Variants in LPCAT1 observed in about 807,000 individuals in gnomAD.
LPCAT1 encodes lysophosphatidylcholine acyltransferase 1, also known as 1-acylglycerol-3-phosphate O-acyltransferase.
Under a neutral mutation model 60.9 loss-of-function variants are expected in LPCAT1, and 23 were observed. The observed-to-expected ratio is 0.38, with a 90% CI of 0.27 to 0.53. The LOEUF is 0.53. LPCAT1 is among the 20% of genes least tolerant of loss of function. The pLI, the probability that LPCAT1 is intolerant of heterozygous loss-of-function variation, is 0.82. For missense variants in LPCAT1, 622 were observed against 723.6 expected (o/e 0.86, Z 1.61); for synonymous variants, 340 against 301.1 (o/e 1.13, Z -1.34).
At position 1,502,235 on chromosome 5, in the gene LPCAT1, C is replaced by G. The variant is rs185791897; in HGVS notation, c.136-632G>C. Among the ~76,000 whole-genome samples the G allele has an allele frequency of 6.6e-6, 1 of 152,128 alleles. No homozygotes were observed. On this transcript the variant is annotated intron_variant, in intron 1 of 13. Transcript: ENST00000283415. The surrounding 1 kb of genome is among the most constrained non-coding windows in gnomAD (Gnocchi z 5.5). ...CACACAACCCCAGGCAGCTCCACCCCGCAGGACGCACCCCCAGGCAGCTCC... is the reference window on the plus strand; with the variant it reads ...CACACAACCCCAGGCAGCTCCACCCGGCAGGACGCACCCCCAGGCAGCTCC...
At chr5:1,519,270 T>C (rs923370182) in intron 1 of LPCAT1, among the ~76,000 whole-genome samples, 2 of 152,268 alleles carry the variant, frequency 1.3e-5, no homozygotes, top group African/African-American at 4.8e-5. Context: ...TGTGGATGTT[T>C]GTGTACACTC....
Position 1,462,061 on chromosome 5 carries a change from G to A in LPCAT1, c.*1590C>T, listed in dbSNP as rs900985987. On this transcript the variant is annotated 3_prime_UTR_variant, in exon 14 of 14. Transcript: ENST00000283415. ...ACAAGTCGAGGTGATTGATTGAAAC[G>A]GAGCTGAAGGTTGTTTTTAAATGTC... 5 of 152,410 alleles carry A rather than the reference G, an allele frequency of 3.3e-5. No homozygotes were observed. The highest frequency in any genetic ancestry group is 4.8e-5 in the African/African-American group (2 of 41,424). 9.4% of individuals were successfully genotyped at this position (152,410 alleles called of 1,614,324 possible).
chr5:1,499,064 C>A (rs1220626194), intron 2 of LPCAT1, among the ~76,000 whole-genome samples: 1 of 152,228 alleles, frequency 6.6e-6, no homozygotes, highest in Admixed American at 6.5e-5. Flanking sequence ...ACACTTCACA[C>A]GTGCATGAGA....
chr5:1,494,725 C>T lies in LPCAT1; in HGVS notation c.468G>A (p.Glu156=). The T allele has an allele frequency of 1.2e-6, 2 of 1,614,260 alleles. No homozygotes were observed. Among genetic ancestry groups the T allele is most frequent in the South Asian group, 1.1e-5 (1 of 91,088 alleles). ...MTMSSIVMKA[E]SRDIPIWGTL... is the part of the protein sequence containing the mutation. ...TTCCCCAGATCGGGATGTCTCTGCT[C>T]TCTGCCTTCATCACGATGGAGGACA... Residue 156 remains glutamate (E), a synonymous_variant, in exon 3 of 14, where the codon GAG becomes GAA. Coordinates refer to ENST00000283415, the MANE Select transcript of LPCAT1 (RefSeq NM_024830.5).
In LPCAT1 at chr5:1,521,239, A is replaced by C; in HGVS notation, c.135+2471T>G. The C allele has an allele frequency of 1.4e-6, 1 of 691,140 alleles. No individual in the cohort carries two copies. The highest frequency in any genetic ancestry group is 1.8e-6 in the Non-Finnish European group (1 of 561,684). The allele number at this position is 691,140 out of a possible 1,614,324, so 42.8% of individuals were successfully genotyped here. On this transcript the variant is annotated intron_variant, in intron 1 of 13. Transcript: ENST00000283415. The surrounding 1 kb of genome is among the most constrained non-coding windows in gnomAD (Gnocchi z 4.3). ...TCCTCACTAAATCTGTAGTTAAATG[A>C]CAGATGGGCTGGCTGGAGGAGGAGG...
At chr5:1,519,622 T>C (rs895981662) in intron 1 of LPCAT1, among the ~76,000 whole-genome samples, 1 of 152,242 alleles carries the variant, frequency 6.6e-6, no homozygotes, top group African/African-American at 2.4e-5. Context: ...CTGCCCTCCC[T>C]GCCTGGGAGA....
Position 1,523,141 on chromosome 5 carries a change from G to C in LPCAT1, c.135+569C>G, listed in dbSNP as rs985172706. The stretch of plus-strand genomic sequence containing the variant: ...GTGCGCCTACAGGGGACCCTACAGG[G>C]GACCCGCACCGCCCGCGCGCCCTGT... On this transcript the variant is annotated intron_variant, in intron 1 of 13. Transcript: ENST00000283415. This position sits in a 1 kb window ranked among gnomAD's most constrained non-coding sequence, Gnocchi z 7.1. 1.3e-5 allele frequency among the ~76,000 whole-genome samples: 2 copies of C among 152,136 alleles called. No homozygotes were observed. The highest frequency in any genetic ancestry group is 2.9e-5 in the Non-Finnish European group (2 of 67,982).
Position 1,502,084 on chromosome 5 carries a change from GCTAA to G in LPCAT1, c.136-485_136-482del, listed in dbSNP as rs1736037163. 6.6e-6 allele frequency among the ~76,000 whole-genome samples: 1 copy of G among 152,236 alleles called. No homozygotes were observed. ...ACCATGGCTGTGGACACTGGCCAGT[GCTAA>G]CTGACATGCTCCACACCCACTGCCC... On this transcript the variant is annotated intron_variant, in intron 1 of 13. Coordinates refer to ENST00000283415, the MANE Select transcript of LPCAT1 (RefSeq NM_024830.5). This position sits in a 1 kb window ranked among gnomAD's most constrained non-coding sequence, Gnocchi z 5.5.
At chr5:1,485,932 C>G (rs72717530) in intron 5 of LPCAT1, among the ~76,000 whole-genome samples, 2 of 152,210 alleles carry the variant, frequency 1.3e-5, no homozygotes, top group Non-Finnish European at 2.9e-5. Flanking sequence ...TCTGCATCCT[C>G]GGGCTGTCAG....
intron 1 of LPCAT1, among the ~76,000 whole-genome samples, chr5:1,514,823 C>T (rs1736457414): frequency 6.6e-6 from 1 of 152,160 alleles, no homozygotes; most frequent in African/African-American, 2.4e-5. Flanking sequence ...CCAGCCAAAA[C>T]AGGACCTTCA....
At chr5:1,488,074 G>A (rs1735438951) in intron 5 of LPCAT1, among the ~76,000 whole-genome samples, 1 of 152,150 alleles carries the variant, frequency 6.6e-6, no homozygotes, top group Non-Finnish European at 1.5e-5. Flanking sequence ...GGTACCCTGA[G>A]CCATTCAAAG....
At chr5:1,479,252 G>A (rs35194614) in intron 8 of LPCAT1, among the ~76,000 whole-genome samples, 6,170 of 152,322 alleles carry the variant, frequency 0.041, 175 homozygotes, top group Non-Finnish European at 0.059. Flanking sequence ...TAGGCATGGC[G>A]TGTGCCTGTG....
chr5:1,521,840 G>C lies in LPCAT1; in HGVS notation c.135+1870C>G, dbSNP rs1174858887. On this transcript the variant is annotated intron_variant, in intron 1 of 13. Transcript: ENST00000283415. This position sits in a 1 kb window ranked among gnomAD's most constrained non-coding sequence, Gnocchi z 4.3. ...GGAGCAGCTTGCACCCTGAGGTCTC[G>C]GGGAGGAAAGCAGGCCCCTCTGGGC... is the stretch of plus-strand genomic sequence containing the variant. 1.3e-5 allele frequency among the ~76,000 whole-genome samples: 2 copies of C among 152,222 alleles called. No homozygotes were observed. The highest frequency in any genetic ancestry group is 3.8e-4 in the East Asian group (2 of 5,198).
rs576170780 is a variant in LPCAT1, at chr5:1,483,283, C to A, written c.726+145G>T. On this transcript the variant is annotated intron_variant, in intron 6 of 13. Coordinates refer to ENST00000283415, the MANE Select transcript of LPCAT1 (RefSeq NM_024830.5). This position sits in a 1 kb window ranked among gnomAD's most constrained non-coding sequence, Gnocchi z 9.2. ...GTCCTGCCCTCTCCAGCGCTGAGGCCGGATGGACTCAGCATGGCCAAGTGT... is the reference window on the plus strand; with the variant it reads ...GTCCTGCCCTCTCCAGCGCTGAGGCAGGATGGACTCAGCATGGCCAAGTGT... 1.1e-6 allele frequency: 1 copy of A among 933,556 alleles called. No individual in the cohort carries two copies. Among genetic ancestry groups the A allele is most frequent in the Non-Finnish European group, 1.7e-6 (1 of 575,778 alleles). 57.8% of individuals were successfully genotyped at this position (933,556 alleles called of 1,614,324 possible). A position where few individuals can be genotyped will look rare whatever the true frequency, so the allele number is the denominator to read the frequency against.
In LPCAT1 at chr5:1,463,332, G is replaced by C. The variant is rs1283018465; in HGVS notation, c.*319C>G. 2 of 307,796 alleles carry C rather than the reference G, an allele frequency of 6.5e-6. No individual in the cohort carries two copies. Among genetic ancestry groups the C allele is most frequent in the Non-Finnish European group, 1.2e-5 (2 of 165,552 alleles). 19.1% of individuals were successfully genotyped at this position (307,796 alleles called of 1,614,324 possible). On this transcript the variant is annotated 3_prime_UTR_variant, in exon 14 of 14. Coordinates refer to ENST00000283415, the MANE Select transcript of LPCAT1 (RefSeq NM_024830.5). ...TGCCGCCGGAAGAGGCTGTGACAGA[G>C]ACTCGAAACCAGGGCCCCGTGGGAG...
chr5:1,474,041 C>A lies in LPCAT1; in HGVS notation c.1095G>T (p.Glu365Asp). Residue 365 changes from glutamate (E) to aspartate (D), a missense_variant, in exon 11 of 14, where the codon GAG becomes GAT. Glu to Asp is a conservative substitution (Grantham distance 45). This residue lies in a region of LPCAT1 where 288 missense variants were observed against 283.6 expected (regional missense o/e 1.02). Transcript: ENST00000283415. ...CGGCAAACTCCGCAATACCTATCTT[C>A]TCTCCTCCCTTCATCCTGGCTCTTT... is the stretch of plus-strand genomic sequence containing the variant. ...YSERARMKGG[E>D]KIGIAEFAAS... 1 of 1,614,208 alleles carries A rather than the reference C, an allele frequency of 6.2e-7. No individual in the cohort carries two copies. Among genetic ancestry groups the A allele is most frequent in the Non-Finnish European group, 8.5e-7 (1 of 1,180,022 alleles).
chr5:1,517,977 A>G (rs1198191418), intron 1 of LPCAT1, among the ~76,000 whole-genome samples: 1 of 152,266 alleles, frequency 6.6e-6, no homozygotes, highest in African/African-American at 2.4e-5. Flanking sequence ...CTTACTAAAG[A>G]AAGTGGACAT....
rs796954566 is a variant in LPCAT1 at position 1,477,163 on chromosome 5, G to A, written c.899+241C>T. On this transcript the variant is annotated intron_variant, in intron 9 of 13. Transcript: ENST00000283415. This position sits in a 1 kb window ranked among gnomAD's most constrained non-coding sequence, Gnocchi z 6.0. The stretch of plus-strand genomic sequence containing the variant: ...GACCTGGGGTGACCAACGGCTGCAG[G>A]CAGGTCTGGAAGAACCAGTCATGCA... Among the ~76,000 whole-genome samples the A allele has an allele frequency of 1.6e-4, 25 of 152,216 alleles. No individual in the cohort carries two copies. Among genetic ancestry groups the A allele is most frequent in the African/African-American group, 5.5e-4 (23 of 41,454 alleles).
chr5:1,465,364 G>A (rs1372307746), intron 13 of LPCAT1, among the ~76,000 whole-genome samples: 1 of 130,904 alleles, frequency 7.6e-6, no homozygotes, highest in Non-Finnish European at 1.6e-5. Context: ...GCACGCACAA[G>A]TGCACGAACA....
Sources: gnomAD v4.1 joint callset for allele counts (sites outside exome capture counted in the v4.1 genomes callset) on GRCh38, gnomAD v4.1.1 for gene constraint, gnomAD v4.1.1 regional missense constraint, Gnocchi (gnomAD v3.1) non-coding constraint, MANE v1.5 for transcripts, NCBI Gene and HGNC (gene_info 2026-07-23, HGNC 2026-07-21) for gene names.